Variants in TBC1D30 observed in about 807,000 individuals in gnomAD.
TBC1D30 encodes TBC1 domain family, member 30.
TBC1D30 carries 31 observed loss-of-function variants against 63.2 expected under a neutral mutation model. The observed-to-expected ratio is 0.49, with a 90% CI of 0.37 to 0.66. TBC1D30 has a LOEUF of 0.66. Ranked by LOEUF, TBC1D30 falls within the 30% of genes least tolerant of loss-of-function variation. The pLI is 0.00. For synonymous variants in TBC1D30, 307 were observed against 361.5 expected (o/e 0.85, Z 1.71); for missense variants, 810 against 953.6 (o/e 0.85, Z 1.98).
At chr12:64,866,996 C>A in intron 10 of TBC1D30, 93 bp downstream of exon 10, 1 of 1,383,710 alleles carries the variant, frequency 7.2e-7, no homozygotes, top group South Asian at 1.4e-5. Flanking sequence ...CAGTAACTTT[C>A]TGAACTGGTT....
At chr12:64,792,880 A>G (rs1872009716) in intron 2 of TBC1D30, among the ~76,000 whole-genome samples, 1 of 152,160 alleles carries the variant, frequency 6.6e-6, no homozygotes, top group South Asian at 2.1e-4. Context: ...AGCCTAGGCT[A>G]GTTATGGAAT....
chr12:64,773,794 C>T (rs1350126381), intron 1 of TBC1D30, among the ~76,000 whole-genome samples: 2 of 152,192 alleles, frequency 1.3e-5, no homozygotes, highest in Non-Finnish European at 2.9e-5. Context: ...CAAAGGTCAG[C>T]AACCTCAAAG....
In TBC1D30 at chr12:64,832,020, C is replaced by T. The variant is rs147638292; in HGVS notation, c.409-99C>T. 1.8e-3 allele frequency: 2,061 copies of T among 1,176,494 alleles called. 32 individuals carry two copies. In the African/African-American group the frequency reaches 0.026, roughly 15 times the overall value. 72.9% of individuals were successfully genotyped at this position (1,176,494 alleles called of 1,614,324 possible). On this transcript the variant is annotated intron_variant, in intron 4 of 11. Coordinates refer to ENST00000539867, the MANE Select transcript of TBC1D30 (RefSeq NM_015279.2). ...TACACATTTTAAAAAAATTTTATGT[C>T]GATGATTTGACTCTGTTTATTGAGT...
intron 2 of TBC1D30, among the ~76,000 whole-genome samples, chr12:64,789,813 C>A (rs1290691212): frequency 6.6e-6 from 1 of 152,062 alleles, no homozygotes; most frequent in Non-Finnish European, 1.5e-5. Flanking sequence ...TTAAGGATAA[C>A]CATGGTATAA....
chr12:64,837,795 T>C lies in TBC1D30; in HGVS notation c.764-888T>C, dbSNP rs553655974. On this transcript the variant is annotated intron_variant, in intron 6 of 11. Coordinates refer to ENST00000539867, the MANE Select transcript of TBC1D30 (RefSeq NM_015279.2). ...TGCTTCCGGATAGGCCAATCTTCCC[T>C]GTCCCCTAGTCAGACACACTTTAGT... 2.6e-4 allele frequency among the ~76,000 whole-genome samples: 40 copies of C among 152,324 alleles called. No homozygotes were observed. In the South Asian group the frequency reaches 8.1e-3, roughly 31 times the overall value.
At chr12:64,839,922 G>T (rs1437644585) in intron 7 of TBC1D30, among the ~76,000 whole-genome samples, 1 of 146,930 alleles carries the variant, frequency 6.8e-6, no homozygotes, top group Admixed American at 6.9e-5. Flanking sequence ...GGAGAATGGC[G>T]TGAACCCAGG....
intron 8 of TBC1D30, among the ~76,000 whole-genome samples, chr12:64,855,635 C>T (rs572101708): frequency 6.6e-6 from 1 of 152,202 alleles, no homozygotes; most frequent in Admixed American, 6.5e-5. Context: ...TTCAGCGTGT[C>T]GATTGCATTT....
At chr12:64,870,567 C>T (rs372319434) in intron 10 of TBC1D30, 35 bp from the exon 11 acceptor site, 24 of 1,512,644 alleles carry the variant, frequency 1.6e-5, no homozygotes, top group South Asian at 1.4e-4. Flanking sequence ...TCCCCTCCAC[C>T]GACCATCTCC....
At chr12:64,812,398 C>T (rs982928958) in intron 2 of TBC1D30, among the ~76,000 whole-genome samples, 1 of 152,082 alleles carries the variant, frequency 6.6e-6, no homozygotes, top group African/African-American at 2.4e-5. Context: ...CCTATATTTG[C>T]GCATCTCTGT....
intron 2 of TBC1D30, among the ~76,000 whole-genome samples, chr12:64,787,097 C>A (rs1280493394): frequency 1.3e-5 from 2 of 152,008 alleles, no homozygotes; most frequent in African/African-American, 4.8e-5. Context: ...TGTAACAGGA[C>A]CTTAACAACT....
intron 2 of TBC1D30, among the ~76,000 whole-genome samples, chr12:64,806,946 T>C (rs1872906914): frequency 6.6e-6 from 1 of 152,194 alleles, no homozygotes; most frequent in Non-Finnish European, 1.5e-5. Context: ...ACAAATACTG[T>C]ATGATTCCAC....
Position 64,875,812 on chromosome 12 carries a change from G to A in TBC1D30, c.*24G>A, listed in dbSNP as rs1879033162. ...GATGTCTCCCCGAAACTTTGTATCT[G>A]GACTCACCTTTTCACAGTAGTATAA... On this transcript the variant is annotated 3_prime_UTR_variant, in exon 12 of 12. Transcript: ENST00000539867. 6.6e-7 allele frequency: 1 copy of A among 1,509,416 alleles called. No homozygotes were observed. The highest frequency in any genetic ancestry group is 8.8e-7 in the Non-Finnish European group (1 of 1,135,250). 93.5% of individuals were successfully genotyped at this position (1,509,416 alleles called of 1,614,324 possible).
In TBC1D30 at chr12:64,876,629, C is replaced by T. The variant is rs113619943; in HGVS notation, c.*841C>T. 1,052 of 372,546 alleles carry T rather than the reference C, an allele frequency of 2.8e-3. 12 individuals carry two copies. Among genetic ancestry groups the T allele is most frequent in the African/African-American group, 0.02 (964 of 47,480 alleles). 23.1% of individuals were successfully genotyped at this position (372,546 alleles called of 1,614,324 possible). A position where few individuals can be genotyped will look rare whatever the true frequency, so the allele number is the denominator to read the frequency against. ...GGAGCCTGGCCTGCATCCCCCACCA[C>T]ACAGCTCACTCACCCACCAGCTCTA... On this transcript the variant is annotated 3_prime_UTR_variant, in exon 12 of 12. Transcript: ENST00000539867.
rs2136488407 is a variant in TBC1D30 at position 64,875,002 on chromosome 12, C to T, written c.1500C>T (p.Asp500=). 1.3e-6 allele frequency: 2 copies of T among 1,534,270 alleles called. No individual in the cohort carries two copies. Among genetic ancestry groups the T allele is most frequent in the Non-Finnish European group, 8.7e-7 (1 of 1,145,690 alleles). The change falls in exon 12 of 12, where the codon GAC becomes GAT. Residue 500 remains aspartate, a splice_region_variant and synonymous_variant. Transcript: ENST00000539867. ...QQVHQVYIRA[D]KGPVTSILPS... is the part of the protein sequence containing the mutation. ...ACTACCTTTCAACATTTCTTTCAGACAAAGGGCCAGTGACCAGCATTCTCC... is the reference window on the plus strand; with the variant it reads ...ACTACCTTTCAACATTTCTTTCAGATAAAGGGCCAGTGACCAGCATTCTCC...
chr12:64,848,329 G>T (rs535191046), intron 8 of TBC1D30, among the ~76,000 whole-genome samples: 96 of 151,656 alleles, frequency 6.3e-4, no homozygotes, highest in Non-Finnish European at 1.0e-3. Context: ...GAATGTGCAG[G>T]TTTGTTACAT....
chr12:64,798,824 T>G (rs1872430695), intron 2 of TBC1D30, among the ~76,000 whole-genome samples: 1 of 148,466 alleles, frequency 6.7e-6, no homozygotes, highest in East Asian at 2.0e-4. Context: ...TTTTTTTTTT[T>G]TTTGTTGAGA....
intron 1 of TBC1D30, among the ~76,000 whole-genome samples, chr12:64,782,524 A>C (rs778047243): frequency 3.3e-5 from 5 of 152,126 alleles, no homozygotes; most frequent in Non-Finnish European, 7.3e-5. Flanking sequence ...TGTGTATGCC[A>C]CAAGTCCCAT....
At chr12:64,822,765 A>G (rs1592591756), upstream of TBC1D30, among the ~76,000 whole-genome samples, 1 of 149,416 alleles carries the variant, frequency 6.7e-6, no homozygotes, top group East Asian at 2.0e-4. Context: ...ATCTTTGGCC[A>G]ATAGGAAGGA....
At chr12:64,865,637 C>T (rs1393594205) in intron 9 of TBC1D30, among the ~76,000 whole-genome samples, 1 of 152,120 alleles carries the variant, frequency 6.6e-6, no homozygotes, top group Non-Finnish European at 1.5e-5. Flanking sequence ...AGGAGGATCA[C>T]TTGAGGCCAG....
Sources: gnomAD v4.1 joint callset for allele counts (sites outside exome capture counted in the v4.1 genomes callset) on GRCh38, gnomAD v4.1.1 for gene constraint, MANE v1.5 for transcripts, NCBI Gene and HGNC (gene_info 2026-07-23, HGNC 2026-07-21) for gene names.